The following APOB variants were observed in gnomAD, a reference collection of about 807,000 sequenced individuals.
The protein encoded by APOB is apolipoprotein B, also known as apolipoprotein B-100.
In APOB, 153 loss-of-function variants were observed where a neutral mutation model predicts 314.1. That is an observed-to-expected ratio of 0.49 (90% CI 0.43 to 0.56). APOB has a LOEUF of 0.56. Among genes scored for constraint, APOB ranks in the 20% least tolerant of loss-of-function variants. The probability of loss-of-function intolerance (pLI) is 0.00; values close to 1 mark genes in which losing one functional copy is unlikely to be tolerated. For synonymous variants in APOB, 2,087 were observed against 2,036.4 expected (o/e 1.02, Z -0.67); for missense variants, 5,430 against 5,350.7 (o/e 1.01, Z -0.46).
chr2:21,038,237 A>G, intron 4 of APOB, 126 bp from the exon 5 acceptor site: 1 of 1,005,948 alleles, frequency 9.9e-7, no homozygotes, highest in Non-Finnish European at 1.5e-6. Context: ...GACATCATTT[A>G]TTTGTAAATA....
At chr2:21,018,729 T>C (rs1300484541) in intron 20 of APOB, among the ~76,000 whole-genome samples, 2 of 152,214 alleles carry the variant, frequency 1.3e-5, no homozygotes, top group Non-Finnish European at 2.9e-5. Context: ...TTATCTGATA[T>C]TCCAAATATT....
In APOB at chr2:21,004,565, G is replaced by A. The variant is rs1174520168; in HGVS notation, c.11899C>T (p.Leu3967Phe). The A allele has an allele frequency of 6.2e-7, 1 of 1,613,596 alleles. No homozygotes were observed. Among genetic ancestry groups the A allele is most frequent in the Admixed American group, 1.7e-5 (1 of 59,994 alleles). ...AATTCAATAAAAGCTCCATACTGAAGTCCTTCATATTTGCCATCTTCTTCA... is the reference window on the plus strand; with the variant it reads ...AATTCAATAAAAGCTCCATACTGAAATCCTTCATATTTGCCATCTTCTTCA... The part of the protein sequence containing the change: ...EYEEDGKYEG[L>F]QEWEGKAHLN... The change falls in exon 27 of 29, where the codon CTT (leucine) becomes TTT (phenylalanine). Residue 3967 changes from leucine to phenylalanine, a missense_variant. By Grantham distance (22) the Leu-to-Phe change is conservative. This residue lies in a region of APOB where 3,281 missense variants were observed against 3,171.0 expected (regional missense o/e 1.03). Transcript: ENST00000233242.
rs142796181 is a variant in APOB, at chr2:21,008,574, T to C, written c.8294A>G (p.Gln2765Arg). Residue 2765 changes from glutamine to arginine, a missense_variant, in exon 26 of 29, where the codon CAA (glutamine) becomes CGA (arginine). Physicochemically the swap from Gln to Arg is conservative, Grantham distance 43. Coordinates refer to ENST00000233242, the MANE Select transcript of APOB (RefSeq NM_000384.3). ...TGCATCTAATGTGAAAAGAGGAGAT[T>C]GGATTTTCAGAATACTGTATAGCTT... The part of the protein sequence containing the change: ...FGKLYSILKI[Q>R]SPLFTLDANA... 4.5e-5 allele frequency: 72 copies of C among 1,614,050 alleles called. No homozygotes were observed. The highest frequency in any genetic ancestry group is 5.9e-5 in the Non-Finnish European group (70 of 1,180,004).
intron 1 of APOB, 121 bp from the exon 2 acceptor site, chr2:21,043,672 C>G: frequency 2.0e-6 from 3 of 1,502,318 alleles, no homozygotes; most frequent in Admixed American, 3.9e-5. Context: ...CTCCGGAGAC[C>G]CCCTCCTCAG....
chr2:21,028,508 C>G lies in APOB; in HGVS notation c.1648G>C (p.Asp550His), dbSNP rs145862664. ...DQEVLLQTFLDDASPGDKRLA... is the reference protein window; with the variant it reads ...DQEVLLQTFLHDASPGDKRLA... ...CGCTTATCTCCCGGAGAAGCATCAT[C>G]AAGGAAAGTCTGAAGAAGAACCTCC... The change falls in exon 13 of 29, where the codon GAT becomes CAT. Residue 550 changes from aspartate (D) to histidine (H), a missense_variant. By Grantham distance (81) the Asp-to-His change is moderately conservative. Coordinates refer to ENST00000233242, the MANE Select transcript of APOB (RefSeq NM_000384.3). 4.4e-4 allele frequency: 706 copies of G among 1,613,450 alleles called. 12 individuals are homozygous for G. In the East Asian group the frequency reaches 0.016, roughly 36 times the overall value.
rs1291440333 is a variant in APOB, at chr2:21,024,955, G to A, written c.2414C>T (p.Thr805Ile). 6.2e-7 allele frequency: 1 copy of A among 1,614,132 alleles called. No individual in the cohort carries two copies. The highest frequency in any genetic ancestry group is 8.5e-7 in the Non-Finnish European group (1 of 1,180,024). Residue 805 changes from threonine (T) to isoleucine (I), a missense_variant, in exon 16 of 29, where the codon ACT becomes ATT. By Grantham distance (89) the Thr-to-Ile change is moderately conservative. Coordinates refer to ENST00000233242, the MANE Select transcript of APOB (RefSeq NM_000384.3). ...TACCATCTGGGGGATCCCCTGCAGA[G>A]TGCGGGCACCCATCAGAAGCAGCTT... ...LGKLLLMGAR[T>I]LQGIPQMIGE...
intron 6 of APOB, among the ~76,000 whole-genome samples, chr2:21,036,730 T>C (rs908290415): frequency 6.6e-5 from 10 of 152,128 alleles, no homozygotes; most frequent in African/African-American, 2.4e-4. Flanking sequence ...CAAGGAGTCC[T>C]TGTGCAGAAA....
intron 12 of APOB, among the ~76,000 whole-genome samples, chr2:21,029,179 G>A (rs1362534356): frequency 6.6e-6 from 1 of 152,218 alleles, no homozygotes; most frequent in African/African-American, 2.4e-5. Context: ...GCCAGGTGCA[G>A]TGGCTCACGC....
chr2:21,005,226 TGAAAG>T lies in APOB; in HGVS notation c.11637_11641del (p.Phe3880SerfsTer7). The T allele has an allele frequency of 6.2e-7, 1 of 1,613,994 alleles. No individual in the cohort carries two copies. The highest frequency in any genetic ancestry group is 8.5e-7 in the Non-Finnish European group (1 of 1,179,960). On this transcript the variant is annotated frameshift_variant, in exon 26 of 29. Transcript: ENST00000233242. LOFTEE classifies it high-confidence loss of function. ...TACCTCAAAGCGTGCAGTCAGTGCT[TGAAAG>T]GAAGGAATGACAATTCCAGCAGGTA...
rs1194337561 is a variant in APOB, at chr2:21,022,022, C to T, written c.2816+809G>A. ...CCAGGCTGGAGTGCAGTGGTGCAAG[C>T]ATGGTTCACTGAAGGCTTGAACTCT... On this transcript the variant is annotated intron_variant, in intron 18 of 28. Coordinates refer to ENST00000233242, the MANE Select transcript of APOB (RefSeq NM_000384.3). Among the ~76,000 whole-genome samples the T allele has an allele frequency of 2.6e-5, 4 of 152,204 alleles. No individual in the cohort carries two copies. In the East Asian group the frequency reaches 7.7e-4, roughly 29 times the overall value.
rs746622306 is a variant in APOB, at chr2:21,010,520, T to C, written c.6348A>G (p.Gly2116=). 1.2e-6 allele frequency: 2 copies of C among 1,609,958 alleles called. No individual in the cohort carries two copies. Among genetic ancestry groups the C allele is most frequent in the East Asian group, 4.5e-5 (2 of 44,778 alleles). The change falls in exon 26 of 29, where the codon GGA becomes GGG. Residue 2116 remains glycine, a synonymous_variant. Transcript: ENST00000233242. ...AATCATTAGCTTGCTGTGGGAGTTT[T>C]CCCAGGGCTGCTCTGTATTTTCTTA... ...QFVRKYRAAL[G]KLPQQANDYL... is the part of the protein sequence containing the mutation.
Position 21,032,479 on chromosome 2 carries a change from A to G in APOB, c.1227T>C (p.Asp409=), listed in dbSNP as rs1663905233. Residue 409 remains aspartate (D), a synonymous_variant, in exon 10 of 29, where the codon GAT becomes GAC. Transcript: ENST00000233242. The part of the protein sequence containing the change: ...KRVHANPLLI[D]VVTYLVALIP... ...TCAGGGCCACCAGGTAGGTGACCACATCTATCAGAAGGGGGTTGGCATGCA... is the reference window on the plus strand; with the variant it reads ...TCAGGGCCACCAGGTAGGTGACCACGTCTATCAGAAGGGGGTTGGCATGCA... 1.2e-6 allele frequency: 2 copies of G among 1,614,184 alleles called. No individual in the cohort carries two copies. Among genetic ancestry groups the G allele is most frequent in the South Asian group, 2.2e-5 (2 of 91,086 alleles).
At position 21,041,101 on chromosome 2, in the gene APOB, CA is replaced by C. The variant is rs770382640; in HGVS notation, c.238-19del. On this transcript the variant is annotated intron_variant, in intron 3 of 28. Coordinates refer to ENST00000233242, the MANE Select transcript of APOB (RefSeq NM_000384.3). ...AGCTCAACCTGAGAATTCAGGGTAG[CA>C]GAGCATTGAGGTTGTCTATCAAGAA... The C allele has an allele frequency of 2.0e-5, 32 of 1,608,582 alleles. No homozygotes were observed. Among genetic ancestry groups the C allele is most frequent in the Admixed American group, 3.3e-5 (2 of 59,744 alleles).
rs775057058 is a variant in APOB, at chr2:21,029,785, C to T, written c.1471G>A (p.Val491Ile). The change falls in exon 12 of 29, where the codon GTC (valine) becomes ATC (isoleucine). Residue 491 changes from valine to isoleucine, a missense_variant and splice_region_variant. Coordinates refer to ENST00000233242, the MANE Select transcript of APOB (RefSeq NM_000384.3). ...ATGGTTTGGCCCATATTTCCAATGACCTGCATTGAAGAAAAGAAACAAGAA... is the reference window on the plus strand; with the variant it reads ...ATGGTTTGGCCCATATTTCCAATGATCTGCATTGAAGAAAAGAAACAAGAA... ...DEDYTYLILRVIGNMGQTMEQ... is the reference protein window; with the variant it reads ...DEDYTYLILRIIGNMGQTMEQ... 1 of 1,614,002 alleles carries T rather than the reference C, an allele frequency of 6.2e-7. No homozygotes were observed. The highest frequency in any genetic ancestry group is 8.5e-7 in the Non-Finnish European group (1 of 1,180,022).
rs1663745796 is a variant in APOB at position 21,026,974 on chromosome 2, A to G, written c.2068-10T>C. ...TTCCTTCCAAGCCAATCTGAGAAAGAAAATCAGACAAGAAAATGGCATCAG... is the reference window on the plus strand; with the variant it reads ...TTCCTTCCAAGCCAATCTGAGAAAGGAAATCAGACAAGAAAATGGCATCAG... On this transcript the variant is annotated splice_polypyrimidine_tract_variant and intron_variant, in intron 14 of 28. Coordinates refer to ENST00000233242, the MANE Select transcript of APOB (RefSeq NM_000384.3). 1 of 1,613,988 alleles carries G rather than the reference A, an allele frequency of 6.2e-7. No homozygotes were observed. Among genetic ancestry groups the G allele is most frequent in the Admixed American group, 1.7e-5 (1 of 60,014 alleles).
In APOB at chr2:21,002,879, T is replaced by G. The variant is rs367740129; in HGVS notation, c.12543A>C (p.Glu4181Asp). ...VFDGLVRVTQEFHMKVKHLID... is the reference protein window; with the variant it reads ...VFDGLVRVTQDFHMKVKHLID... ...TCAGATGCTTGACTTTCATATGGAATTCTTGAGTAACTCGTACCAAGCCAT... is the reference window on the plus strand; with the variant it reads ...TCAGATGCTTGACTTTCATATGGAAGTCTTGAGTAACTCGTACCAAGCCAT... Residue 4181 changes from glutamate (E) to aspartate (D), a missense_variant, in exon 29 of 29, where the codon GAA becomes GAC. Glu to Asp is a conservative substitution (Grantham distance 45). Around this residue, in one of 3 missense-constraint regions of APOB, gnomAD observed 3,281 missense variants for 3,171.0 expected, o/e 1.03. Coordinates refer to ENST00000233242, the MANE Select transcript of APOB (RefSeq NM_000384.3). 4 of 1,613,560 alleles carry G rather than the reference T, an allele frequency of 2.5e-6. No individual in the cohort carries two copies. The African/African-American group carries it at 5.3e-5, about 22-fold the overall frequency.
chr2:21,032,730 A>G (rs538517278), intron 9 of APOB, 149 bp from the exon 10 acceptor site: 10 of 721,012 alleles, frequency 1.4e-5, no homozygotes, highest in Middle Eastern at 2.7e-4. Context: ...GCTCAGAACC[A>G]TGATGCTTTC....
At chr2:21,025,726 A>G (rs1459732684) in intron 15 of APOB, among the ~76,000 whole-genome samples, 1 of 152,214 alleles carries the variant, frequency 6.6e-6, no homozygotes, top group Non-Finnish European at 1.5e-5. Context: ...CTGGAGGGGT[A>G]AATTACTGCC....
intron 15 of APOB, among the ~76,000 whole-genome samples, chr2:21,025,625 T>C (rs1300548797): frequency 6.6e-6 from 1 of 151,532 alleles, no homozygotes; most frequent in African/African-American, 2.4e-5. Flanking sequence ...AAAAAAAATG[T>C]GAAACTGACA....
Sources: gnomAD v4.1 joint callset for allele counts (sites outside exome capture counted in the v4.1 genomes callset) on GRCh38, gnomAD v4.1.1 for gene constraint, gnomAD v4.1.1 regional missense constraint, MANE v1.5 for transcripts, NCBI Gene and HGNC (gene_info 2026-07-23, HGNC 2026-07-21) for gene names.